GRM7: variants seen among roughly 807,000 people sequenced by gnomAD.
GRM7 encodes glutamate metabotropic receptor 7.
GRM7 carries 35 observed loss-of-function variants against 84.5 expected under a neutral mutation model. The observed-to-expected ratio is 0.41, with a 90% CI of 0.32 to 0.55. The LOEUF (loss-of-function observed/expected upper bound fraction) is 0.55. Among genes scored for constraint, GRM7 ranks in the 20% least tolerant of loss-of-function variants. The probability of loss-of-function intolerance (pLI) is 0.19; values close to 1 mark genes in which losing one functional copy is unlikely to be tolerated. For missense variants in GRM7, 1,003 were observed against 1,194.6 expected (o/e 0.84, Z 2.36); for synonymous variants, 487 against 455.1 (o/e 1.07, Z -0.89).
rs150757188 is a variant in GRM7 at position 7,365,673 on chromosome 3, G to GCA, written c.1034-49337_1034-49336dup. Among the ~76,000 whole-genome samples, 104 of 112,230 alleles carry GCA rather than the reference G, an allele frequency of 9.3e-4. 1 individual carries two copies. Among genetic ancestry groups the GCA allele is most frequent in the Non-Finnish European group, 1.1e-3 (60 of 54,132 alleles). The allele number at this position is 112,230 out of a possible 152,430, so 73.6% of individuals were successfully genotyped here. On this transcript the variant is annotated intron_variant, in intron 4 of 9. Transcript: ENST00000357716. ...TATATATATATATATATACACACAC[G>GCA]CACACACACACACATATATATACAC...
intron 7 of GRM7, among the ~76,000 whole-genome samples, chr3:7,512,959 A>G (rs1700262400): frequency 6.6e-6 from 1 of 152,210 alleles, no homozygotes; most frequent in African/African-American, 2.4e-5. Context: ...TGTTTAGCAT[A>G]ATAGAAAATC....
At chr3:7,511,556 G>A (rs1467822936) in intron 7 of GRM7, among the ~76,000 whole-genome samples, 5 of 151,250 alleles carry the variant, frequency 3.3e-5, no homozygotes, top group African/African-American at 4.9e-5. Flanking sequence ...CTTCAGCTGC[G>A]TTTTGCCCAA....
intron 2 of GRM7, among the ~76,000 whole-genome samples, chr3:7,279,921 T>A (rs1699198940): frequency 6.6e-6 from 1 of 152,148 alleles, no homozygotes; most frequent in Admixed American, 6.5e-5. Context: ...TATCTCCTGG[T>A]TTTGAAAACA....
At chr3:7,335,211 A>G (rs1701356227) in intron 4 of GRM7, among the ~76,000 whole-genome samples, 1 of 152,098 alleles carries the variant, frequency 6.6e-6, no homozygotes, top group Non-Finnish European at 1.5e-5. Context: ...TTTATCAAGT[A>G]CTCTCTCAGA....
intron 6 of GRM7, among the ~76,000 whole-genome samples, chr3:7,457,390 A>G (rs1297306240): frequency 1.3e-5 from 2 of 152,180 alleles, no homozygotes; most frequent in Admixed American, 1.3e-4. Context: ...AATCAAAGCA[A>G]AGTCCCAAGC....
chr3:7,390,511 T>C (rs935875106), intron 4 of GRM7, among the ~76,000 whole-genome samples: 1 of 152,154 alleles, frequency 6.6e-6, no homozygotes, highest in Non-Finnish European at 1.5e-5. Context: ...TATAATTTTA[T>C]ATTTCTTGAA....
chr3:7,449,273 A>C (rs1697663104), intron 5 of GRM7, among the ~76,000 whole-genome samples: 1 of 152,144 alleles, frequency 6.6e-6, no homozygotes, highest in African/African-American at 2.4e-5. Flanking sequence ...CTAACTTTGC[A>C]AGAAACATTC....
chr3:7,132,103 C>A (rs981143979), intron 1 of GRM7, among the ~76,000 whole-genome samples: 4 of 152,198 alleles, frequency 2.6e-5, no homozygotes, highest in Non-Finnish European at 5.9e-5. Context: ...CTTGCTCATA[C>A]GTTTCCTAAA....
chr3:7,229,774 TGGTTGACAGGTGTTGAGTGC>T (rs1697127019), intron 2 of GRM7, among the ~76,000 whole-genome samples: 2 of 114,714 alleles, frequency 1.7e-5, no homozygotes, highest in East Asian at 6.2e-4. Flanking sequence ...TTTTTTTTTT[TGGTTGACAGGTGTTGAGTGC>T]TTTCATATGT....
intron 7 of GRM7, among the ~76,000 whole-genome samples, chr3:7,488,135 G>A (rs1699391321): frequency 6.6e-6 from 1 of 152,074 alleles, no homozygotes; most frequent in South Asian, 2.1e-4. Context: ...TTTGAAATGG[G>A]AATATTTACC....
intron 1 of GRM7, among the ~76,000 whole-genome samples, chr3:7,132,733 G>A (rs1693645222): frequency 6.6e-6 from 1 of 152,132 alleles, no homozygotes; most frequent in African/African-American, 2.4e-5. Context: ...TACATCTGTG[G>A]TCTTTTACAA....
At chr3:7,526,714 G>A (rs1700820675) in intron 7 of GRM7, among the ~76,000 whole-genome samples, 2 of 152,020 alleles carry the variant, frequency 1.3e-5, no homozygotes, top group South Asian at 4.1e-4. Flanking sequence ...GTGGTGAGAG[G>A]TAGAGGTCTA....
intron 4 of GRM7, among the ~76,000 whole-genome samples, chr3:7,342,821 C>T (rs558388056): frequency 1.3e-5 from 2 of 152,256 alleles, no homozygotes; most frequent in Non-Finnish European, 2.9e-5. Flanking sequence ...AAGATCCAGG[C>T]AGCCTGCTGA....
At chr3:7,612,566 A>C (rs1696893034) in intron 8 of GRM7, among the ~76,000 whole-genome samples, 1 of 152,174 alleles carries the variant, frequency 6.6e-6, no homozygotes, top group African/African-American at 2.4e-5. Flanking sequence ...TTTTACTTGG[A>C]GAAGATAAGG....
chr3:7,275,798 A>T (rs1699030380), intron 2 of GRM7, among the ~76,000 whole-genome samples: 1 of 152,160 alleles, frequency 6.6e-6, no homozygotes, highest in African/African-American at 2.4e-5. Context: ...TATTCACTGT[A>T]AGAACCAAAC....
At chr3:7,099,409 A>G (rs1270751608) in intron 1 of GRM7, among the ~76,000 whole-genome samples, 1 of 148,822 alleles carries the variant, frequency 6.7e-6, no homozygotes, top group Non-Finnish European at 1.5e-5. Context: ...CATACATAAT[A>G]CATATTATGC....
intron 7 of GRM7, among the ~76,000 whole-genome samples, chr3:7,509,511 A>C (rs1700135165): frequency 6.6e-6 from 1 of 152,204 alleles, no homozygotes. Context: ...GTATGTATAC[A>C]TCCTCTGCAG....
intron 2 of GRM7, among the ~76,000 whole-genome samples, chr3:7,165,807 G>T (rs1350552845): frequency 6.6e-6 from 1 of 151,838 alleles, no homozygotes; most frequent in African/African-American, 2.4e-5. Context: ...GTACTATCTG[G>T]GTTTCATCAT....
chr3:7,263,190 C>T (rs1698502895), intron 2 of GRM7, among the ~76,000 whole-genome samples: 1 of 152,182 alleles, frequency 6.6e-6, no homozygotes, highest in Admixed American at 6.5e-5. Context: ...TTTTAGGAGA[C>T]TGAGCCTCAG....
Sources: allele counts gnomAD v4.1 joint callset (sites outside exome capture counted in the v4.1 genomes callset), GRCh38; gene constraint gnomAD v4.1.1; transcripts MANE v1.5; gene names NCBI Gene and HGNC (gene_info 2026-07-23, HGNC 2026-07-21).